ATP13A3: variants seen among roughly 807,000 people sequenced by gnomAD.
ATP13A3 encodes the protein polyamine-transporting ATPase 13A3.
ATP13A3 carries 59 observed loss-of-function variants against 158.1 expected under a neutral mutation model. The observed-to-expected ratio is 0.37, with a 90% confidence interval of 0.30 to 0.46. The LOEUF (loss-of-function observed/expected upper bound fraction) is 0.46, where lower values mean the gene tolerates loss of function less well. ATP13A3 is among the 20% of genes least tolerant of loss of function. ATP13A3 has a pLI of 1.00. For synonymous variants in ATP13A3, 491 were observed against 504.3 expected (o/e 0.97, Z 0.35); for missense variants, 1,166 against 1,525.2 (o/e 0.76, Z 3.92).
At chr3:194,484,577 TTCTG>T (rs1720892674) in intron 2 of ATP13A3, among the ~76,000 whole-genome samples, 1 of 151,738 alleles carries the variant, frequency 6.6e-6, no homozygotes, top group Non-Finnish European at 1.5e-5. Context: ...TTTATCTTTA[TTCTG>T]TCTTTTTTCT....
intron 2 of ATP13A3, among the ~76,000 whole-genome samples, chr3:194,471,552 C>T (rs1035526171): frequency 6.6e-6 from 1 of 152,050 alleles, no homozygotes; most frequent in African/African-American, 2.4e-5. Context: ...TGGGGTTTCA[C>T]TATATTGCCC....
chr3:194,473,357 G>A (rs1720390939), intron 2 of ATP13A3, among the ~76,000 whole-genome samples: 1 of 152,026 alleles, frequency 6.6e-6, no homozygotes, highest in African/African-American at 2.4e-5. Context: ...GTAGAATTTA[G>A]GAATCTTGCA....
intron 21 of ATP13A3, among the ~76,000 whole-genome samples, chr3:194,432,655 C>T (rs916328273): frequency 6.6e-6 from 1 of 152,096 alleles, no homozygotes; most frequent in Non-Finnish European, 1.5e-5. Context: ...CTAAGAATGG[C>T]TGGAATGCTA....
rs891938045 is a variant in ATP13A3, at chr3:194,404,991, C to A, written c.*928G>T. ...AGGTAAAATTCTAACTTAAAAAAAACTATTATCCTATGTCTTTAGGTAATT... is the reference window on the plus strand; with the variant it reads ...AGGTAAAATTCTAACTTAAAAAAAAATATTATCCTATGTCTTTAGGTAATT... On this transcript the variant is annotated 3_prime_UTR_variant, in exon 34 of 34. Transcript: ENST00000645319. The A allele has an allele frequency of 4.6e-5, 7 of 152,046 alleles. No homozygotes were observed. The highest frequency in any genetic ancestry group is 7.4e-5 in the Non-Finnish European group (5 of 68,012). 9.4% of individuals were successfully genotyped at this position (152,046 alleles called of 1,614,324 possible). A position where few individuals can be genotyped will look rare whatever the true frequency, so the allele number is the denominator to read the frequency against.
chr3:194,416,287 TC>T (rs938445924), intron 31 of ATP13A3, among the ~76,000 whole-genome samples: 6 of 151,982 alleles, frequency 3.9e-5, no homozygotes, highest in African/African-American at 1.5e-4. Flanking sequence ...TGAAATCCCA[TC>T]TCTACTAAGA....
intron 30 of ATP13A3, among the ~76,000 whole-genome samples, chr3:194,423,549 C>G (rs1316682389): frequency 6.6e-6 from 1 of 152,190 alleles, no homozygotes; most frequent in African/African-American, 2.4e-5. Flanking sequence ...TCCTTTCGTA[C>G]TTTTCAGAAG....
intron 33 of ATP13A3, among the ~76,000 whole-genome samples, chr3:194,411,389 C>G (rs552114543): frequency 6.9e-4 from 105 of 152,198 alleles, no homozygotes; most frequent in African/African-American, 2.4e-3. Flanking sequence ...ATGGGTAAGG[C>G]AATGAAGGGG....
chr3:194,434,312 T>C (rs1717461939), intron 20 of ATP13A3, among the ~76,000 whole-genome samples: 1 of 152,218 alleles, frequency 6.6e-6, no homozygotes, highest in Admixed American at 6.5e-5. Context: ...TATAAAACAA[T>C]TACTGATCCT....
intron 2 of ATP13A3, among the ~76,000 whole-genome samples, chr3:194,492,455 G>A (rs1401946554): frequency 1.3e-5 from 2 of 150,060 alleles, no homozygotes; most frequent in Non-Finnish European, 2.9e-5. Context: ...ACATCCTCCT[G>A]TGTACTTTTT....
intron 29 of ATP13A3, among the ~76,000 whole-genome samples, chr3:194,426,188 CT>C (rs377702236): frequency 1.8e-4 from 27 of 148,264 alleles, no homozygotes; most frequent in Non-Finnish European, 1.3e-4. Flanking sequence ...AATTCCACCT[CT>C]TTTTTTTTTG....
At chr3:194,458,304 G>A (rs143545204) in intron 6 of ATP13A3, among the ~76,000 whole-genome samples, 4 of 150,430 alleles carry the variant, frequency 2.7e-5, no homozygotes, top group African/African-American at 4.9e-5. Flanking sequence ...TGAATTTGAT[G>A]ACTTCTCCAG....
upstream of ATP13A3, among the ~76,000 whole-genome samples, chr3:194,487,235 G>A (rs1282922809): frequency 6.6e-6 from 1 of 152,166 alleles, no homozygotes; most frequent in African/African-American, 2.4e-5. Context: ...AATGGAGGGC[G>A]GCTTTTCTGG....
At chr3:194,462,286 A>G in intron 2 of ATP13A3, 50 bp from the exon 3 acceptor site, 5 of 1,232,838 alleles carry the variant, frequency 4.1e-6, no homozygotes, top group Non-Finnish European at 5.9e-6. Context: ...CTATCTTAGT[A>G]GACGATACAA....
intron 10 of ATP13A3, chr3:194,452,508 T>C (rs1161755185): frequency 1.3e-5 from 2 of 152,072 alleles, no homozygotes; most frequent in Non-Finnish European, 2.9e-5. Context: ...ATAAAATAAA[T>C]TAATAATAAT....
chr3:194,460,933 G>C (rs1214854828), intron 3 of ATP13A3, 102 bp from the exon 4 acceptor site: 2 of 1,226,206 alleles, frequency 1.6e-6, no homozygotes, highest in African/African-American at 3.1e-5. Context: ...GGTATTTATT[G>C]TCTTGTCACA....
At chr3:194,439,282 C>T (rs1717878413) in intron 16 of ATP13A3, among the ~76,000 whole-genome samples, 1 of 152,166 alleles carries the variant, frequency 6.6e-6, no homozygotes, top group Non-Finnish European at 1.5e-5. Flanking sequence ...GGTTTAGAGA[C>T]TAGCTCTGCA....
Position 194,404,546 on chromosome 3 carries a change from T to A in ATP13A3, c.*1373A>T, listed in dbSNP as rs1044853714. The A allele has an allele frequency of 6.4e-6, 1 of 155,350 alleles. No individual in the cohort carries two copies. Among genetic ancestry groups the A allele is most frequent in the Non-Finnish European group, 1.4e-5 (1 of 70,090 alleles). The allele number at this position is 155,350 out of a possible 1,614,324, so 9.6% of individuals were successfully genotyped here. ...CTGTTTTCATAGTTTAGCGTCCATTTTATAGCACGATCAGTTTTCTGTGTT... is the reference window on the plus strand; with the variant it reads ...CTGTTTTCATAGTTTAGCGTCCATTATATAGCACGATCAGTTTTCTGTGTT... On this transcript the variant is annotated 3_prime_UTR_variant, in exon 34 of 34. Transcript: ENST00000645319.
rs1213914350 is a variant in ATP13A3, at chr3:194,405,640, AT to A, written c.*278del. On this transcript the variant is annotated 3_prime_UTR_variant, in exon 34 of 34. Transcript: ENST00000645319. ...TTCTCCTGTACCCAATATAAAGAAT[AT>A]CACTGAAAGTAACAATCAAGAAAAT... is the stretch of plus-strand genomic sequence containing the variant. 1 of 352,132 alleles carries A rather than the reference AT, an allele frequency of 2.8e-6. No homozygotes were observed. Among genetic ancestry groups the A allele is most frequent in the Non-Finnish European group, 5.3e-6 (1 of 190,136 alleles). 21.8% of individuals were successfully genotyped at this position (352,132 alleles called of 1,614,324 possible).
chr3:194,436,902 A>G (rs1717683337), intron 20 of ATP13A3, among the ~76,000 whole-genome samples, 193 bp downstream of exon 20: 1 of 152,148 alleles, frequency 6.6e-6, no homozygotes, highest in Non-Finnish European at 1.5e-5. Flanking sequence ...CTGTCTCTCA[A>G]AAAAAAACCC....
Sources: gnomAD v4.1 joint callset for allele counts (sites outside exome capture counted in the v4.1 genomes callset) on GRCh38, gnomAD v4.1.1 for gene constraint, MANE v1.5 for transcripts, NCBI Gene and HGNC (gene_info 2026-07-23, HGNC 2026-07-21) for gene names.